GUCD1: variants seen among roughly 807,000 people sequenced by gnomAD.
The protein encoded by GUCD1 is guanylyl cyclase domain containing 1.
A neutral mutation model predicts 28.3 loss-of-function variants in GUCD1; 17 were observed. That is an observed-to-expected ratio of 0.60 (90% CI 0.41 to 0.90). The LOEUF (loss-of-function observed/expected upper bound fraction) is 0.90, where lower values mean the gene tolerates loss of function less well. Ranked by LOEUF, GUCD1 falls within the 40% of genes least tolerant of loss-of-function variation. The probability of loss-of-function intolerance (pLI) is 0.00; values close to 1 mark genes in which losing one functional copy is unlikely to be tolerated. For synonymous variants in GUCD1, 129 were observed against 123.3 expected (o/e 1.05, Z -0.30); for missense variants, 279 against 305.5 (o/e 0.91, Z 0.65).
chr22:24,546,204 G>A (rs953435964), intron 4 of GUCD1, among the ~76,000 whole-genome samples: 15 of 151,832 alleles, frequency 9.9e-5, no homozygotes, highest in African/African-American at 3.4e-4. Flanking sequence ...CTCGTGATCC[G>A]CCCACCTCAG....
At position 24,555,074 on chromosome 22, in the gene GUCD1, G is replaced by A; in HGVS notation, c.-83C>T. On this transcript the variant is annotated 5_prime_UTR_variant, in exon 1 of 6. Transcript: ENST00000435822. ...TTCGGCTGGGGCGGGAGGGCGGTCGGTGCGTGTCGAGTTCCTTCTCCGCCA... is the reference window on the plus strand; with the variant it reads ...TTCGGCTGGGGCGGGAGGGCGGTCGATGCGTGTCGAGTTCCTTCTCCGCCA... 7.5e-7 allele frequency: 1 copy of A among 1,335,666 alleles called. No homozygotes were observed. The highest frequency in any genetic ancestry group is 9.6e-7 in the Non-Finnish European group (1 of 1,039,426). 82.7% of individuals were successfully genotyped at this position (1,335,666 alleles called of 1,614,324 possible). A position where few individuals can be genotyped will look rare whatever the true frequency, so the allele number is the denominator to read the frequency against.
Position 24,543,055 on chromosome 22 carries a change from G to A in GUCD1, c.671C>T (p.Thr224Ile). ...TSISNFEEARTSYGTDEDILF... is the reference protein window; with the variant it reads ...TSISNFEEARISYGTDEDILF... The stretch of plus-strand genomic sequence containing the variant: ...GATGTCCTCATCTGTGCCATAGCTG[G>A]TTCTGGCCTCCTCAAAGTTACTGAT... The change falls in exon 6 of 6, where the codon ACC becomes ATC. Residue 224 changes from threonine (T) to isoleucine (I), a missense_variant. By Grantham distance (89) the Thr-to-Ile change is moderately conservative (BLOSUM62 -1). Coordinates refer to ENST00000435822, the MANE Select transcript of GUCD1 (RefSeq NM_001284254.2). The A allele has an allele frequency of 6.2e-7, 1 of 1,614,062 alleles. No individual in the cohort carries two copies. The highest frequency in any genetic ancestry group is 8.5e-7 in the Non-Finnish European group (1 of 1,179,928).
intron 3 of GUCD1, chr22:24,547,486 A>G (rs1036675582): frequency 1.0e-5 from 2 of 199,888 alleles, no homozygotes; most frequent in Non-Finnish European, 2.1e-5. Flanking sequence ...GTTTTCTTCT[A>G]GACTACCAAT....
Position 24,542,871 on chromosome 22 carries a change from ACT to A in GUCD1, c.*133_*134del, listed in dbSNP as rs2044626732. On this transcript the variant is annotated 3_prime_UTR_variant, in exon 6 of 6. Transcript: ENST00000435822. ...CTGTGCCAGTCTCCGAGTTCCTGGG[ACT>A]CTGCCAGATGGGCTGAGGCTGCAGT... 1 of 679,916 alleles carries A rather than the reference ACT, an allele frequency of 1.5e-6. No individual in the cohort carries two copies. Among genetic ancestry groups the A allele is most frequent in the African/African-American group, 1.8e-5 (1 of 56,248 alleles). The allele number at this position is 679,916 out of a possible 1,614,324, so 42.1% of individuals were successfully genotyped here. A position where few individuals can be genotyped will look rare whatever the true frequency, so the allele number is the denominator to read the frequency against.
chr22:24,545,538 C>T (rs937883827), intron 4 of GUCD1, among the ~76,000 whole-genome samples: 4 of 151,976 alleles, frequency 2.6e-5, no homozygotes, highest in Non-Finnish European at 5.9e-5. Context: ...GCTAAATAAA[C>T]ATTTGCTGCC....
chr22:24,547,227 TGA>T lies in GUCD1; in HGVS notation c.295-224_295-223del. 5.7e-6 allele frequency: 3 copies of T among 526,886 alleles called. No individual in the cohort carries two copies. In the Middle Eastern group the frequency reaches 1.6e-3, roughly 283 times the overall value. The allele number at this position is 526,886 out of a possible 1,614,324, so 32.6% of individuals were successfully genotyped here. A position where few individuals can be genotyped will look rare whatever the true frequency, so the allele number is the denominator to read the frequency against. ...CACACAGAGGCATGAGGATGATGCT[TGA>T]GAGAGGGGTGGGCAGCTGGGCTCAG... On this transcript the variant is annotated intron_variant, in intron 3 of 5. Coordinates refer to ENST00000435822, the MANE Select transcript of GUCD1 (RefSeq NM_001284254.2).
chr22:24,547,664 G>A, intron 3 of GUCD1: 1 of 493,554 alleles, frequency 2.0e-6, no homozygotes, highest in Non-Finnish European at 3.7e-6. Flanking sequence ...GTAGAAGGCA[G>A]GTGGACAGGA....
intron 1 of GUCD1, among the ~76,000 whole-genome samples, chr22:24,549,357 T>C (rs1032890812): frequency 2.6e-5 from 4 of 152,040 alleles, no homozygotes; most frequent in Non-Finnish European, 2.9e-5. Flanking sequence ...TGCCTGGACA[T>C]ACCTGGCTTC....
intron 1 of GUCD1, among the ~76,000 whole-genome samples, chr22:24,554,243 A>T (rs1266436660): frequency 6.6e-6 from 1 of 152,212 alleles, no homozygotes; most frequent in African/African-American, 2.4e-5. Flanking sequence ...GTCTCAGACC[A>T]CAGGGCTAGA....
chr22:24,552,769 C>CAA (rs765067330), intron 1 of GUCD1, among the ~76,000 whole-genome samples: 1 of 110,908 alleles, frequency 9.0e-6, no homozygotes, highest in Non-Finnish European at 1.9e-5. Context: ...GACTCCATCT[C>CAA]AAAAAAAAAA....
chr22:24,548,012 T>G lies in GUCD1; in HGVS notation c.190A>C (p.Arg64=), dbSNP rs548179965. 48 of 1,614,058 alleles carry G rather than the reference T, an allele frequency of 3.0e-5. 1 individual carries two copies. Among genetic ancestry groups the G allele is most frequent in the Non-Finnish European group, 4.1e-5 (48 of 1,180,018 alleles). ...ERALQKLQLT[R]SIWTIDLAYL... ...GCCAGGTCGATGGTCCAGATGCTCCTGGTCAGCTGCAGCTTCTGCAGGGCT... is the reference window on the plus strand; with the variant it reads ...GCCAGGTCGATGGTCCAGATGCTCCGGGTCAGCTGCAGCTTCTGCAGGGCT... The change falls in exon 3 of 6, where the codon AGG becomes CGG. Residue 64 remains arginine (R), a synonymous_variant. Coordinates refer to ENST00000435822, the MANE Select transcript of GUCD1 (RefSeq NM_001284254.2).
chr22:24,542,332 A>G lies in GUCD1; in HGVS notation c.*674T>C, dbSNP rs1250399842. Reference sequence around the variant, plus strand: ...TAGGCCCGAGAGCCCTCCATCTGACAGAGCTGGAGGACCTGGAGGGCTGTG... The same window carrying G: ...TAGGCCCGAGAGCCCTCCATCTGACGGAGCTGGAGGACCTGGAGGGCTGTG... On this transcript the variant is annotated 3_prime_UTR_variant, in exon 6 of 6. Coordinates refer to ENST00000435822, the MANE Select transcript of GUCD1 (RefSeq NM_001284254.2). 1 of 152,324 alleles carries G rather than the reference A, an allele frequency of 6.6e-6. No individual in the cohort carries two copies. The highest frequency in any genetic ancestry group is 1.5e-5 in the Non-Finnish European group (1 of 68,124). 9.4% of individuals were successfully genotyped at this position (152,324 alleles called of 1,614,324 possible).
chr22:24,548,106 G>A (rs1251719695), intron 2 of GUCD1, 33 bp from the exon 3 acceptor site: 2 of 1,595,160 alleles, frequency 1.3e-6, no homozygotes, highest in Admixed American at 1.7e-5. Flanking sequence ...GCTCAGCTTG[G>A]TCTTGAGGGT....
Position 24,542,982 on chromosome 22 carries a change from C to A in GUCD1, c.*24G>T, listed in dbSNP as rs1272025099. The A allele has an allele frequency of 6.4e-6, 10 of 1,566,636 alleles. No homozygotes were observed. Among genetic ancestry groups the A allele is most frequent in the Non-Finnish European group, 3.5e-6 (4 of 1,137,104 alleles). On this transcript the variant is annotated 3_prime_UTR_variant, in exon 6 of 6. Coordinates refer to ENST00000435822, the MANE Select transcript of GUCD1 (RefSeq NM_001284254.2). ...CTGGGGTGGGGATGGGGTCCGAGGG[C>A]CTAGGCGCACCAGGCTCCTGCTGTC...
At chr22:24,554,925 C>T in intron 1 of GUCD1, 24 bp downstream of exon 1, 2 of 1,547,156 alleles carry the variant, frequency 1.3e-6, no homozygotes, top group Non-Finnish European at 8.8e-7. Flanking sequence ...AGGGTGAAGA[C>T]TGGGCCCACA....
Position 24,543,939 on chromosome 22 carries a change from G to C in GUCD1, c.531C>G (p.Phe177Leu), listed in dbSNP as rs1230613941. The C allele has an allele frequency of 1.9e-6, 3 of 1,614,100 alleles. No homozygotes were observed. Among genetic ancestry groups the C allele is most frequent in the Admixed American group, 3.3e-5 (2 of 60,018 alleles). The change falls in exon 5 of 6, where the codon TTC becomes TTG. Residue 177 changes from phenylalanine to leucine, a missense_variant. Transcript: ENST00000435822. ...GGCCCTGGTAGTCAGGAGTGCGGCA[G>C]AAGCAGTGGTGGCCACTGGGGGTGA... ...CCFTPSGHHC[F>L]CRTPDYQGHF...
intron 4 of GUCD1, among the ~76,000 whole-genome samples, chr22:24,546,602 G>A (rs547189133): frequency 3.3e-5 from 5 of 152,328 alleles, no homozygotes; most frequent in Non-Finnish European, 7.3e-5. Context: ...TTCATTAGGG[G>A]CCTTGTGTTC....
At position 24,540,745 on chromosome 22, in the gene GUCD1, CTT is replaced by C. The variant is rs71805047; in HGVS notation, c.*2259_*2260del. The stretch of plus-strand genomic sequence containing the variant: ...TGTGACCCTCCCTAGGCAGATGAGT[CTT>C]GAGAATGGGCAGCTTTCTCATTCAT... On this transcript the variant is annotated 3_prime_UTR_variant, in exon 6 of 6. Transcript: ENST00000435822. The C allele has an allele frequency of 0.062, 9,395 of 152,570 alleles. 708 individuals carry two copies. The highest frequency in any genetic ancestry group is 0.18 in the African/African-American group (7,469 of 41,510). The allele number at this position is 152,570 out of a possible 1,614,324, so 9.5% of individuals were successfully genotyped here. A position where few individuals can be genotyped will look rare whatever the true frequency, so the allele number is the denominator to read the frequency against.
At chr22:24,543,479 T>TGGGTCTGG (rs1343078260) in intron 5 of GUCD1, among the ~76,000 whole-genome samples, 5 of 152,200 alleles carry the variant, frequency 3.3e-5, no homozygotes, top group Admixed American at 3.3e-4. Context: ...GAGCAGGGGC[T>TGGGTCTGG]GGGTCTGGCC....
Sources: allele counts gnomAD v4.1 joint callset (sites outside exome capture counted in the v4.1 genomes callset), GRCh38; gene constraint gnomAD v4.1.1; transcripts MANE v1.5; gene names NCBI Gene and HGNC (gene_info 2026-07-23, HGNC 2026-07-21).